The following TMEM132D variants were observed in gnomAD, a reference collection of about 807,000 sequenced individuals.
TMEM132D encodes mature OL transmembrane protein.
TMEM132D carries 21 observed loss-of-function variants against 62.3 expected under a neutral mutation model. The ratio of observed to expected loss-of-function variants is 0.34; its 90% CI spans 0.24 to 0.49. TMEM132D has a LOEUF of 0.49. Among genes scored for constraint, TMEM132D ranks in the 20% least tolerant of loss-of-function variants. TMEM132D has a pLI of 0.99. For missense variants in TMEM132D, 1,346 were observed against 1,402.8 expected (o/e 0.96, Z 0.65); for synonymous variants, 621 against 575.6 (o/e 1.08, Z -1.13).
intron 1 of TMEM132D, among the ~76,000 whole-genome samples, chr12:129,745,593 T>A (rs1329309061): frequency 6.6e-6 from 1 of 152,180 alleles, no homozygotes; most frequent in African/African-American, 2.4e-5. Context: ...ATGGAACTCA[T>A]AACGGTATAA....
rs2137226399 is a variant in TMEM132D, at chr12:129,700,198, C to A, written c.580G>T (p.Ala194Ser). The A allele has an allele frequency of 6.2e-7, 1 of 1,612,844 alleles. No homozygotes were observed. The highest frequency in any genetic ancestry group is 1.1e-5 in the South Asian group (1 of 91,064). Residue 194 changes from alanine to serine, a missense_variant, in exon 2 of 9, where the codon GCC (alanine) becomes TCC (serine). Ala to Ser is a moderately conservative substitution (Grantham distance 99, BLOSUM62 1). Coordinates refer to ENST00000422113, the MANE Select transcript of TMEM132D (RefSeq NM_133448.3). ...CAGCTGGACAGGAGCTCCAGCTCGG[C>A]CACGCACAGCCCCAGGTCCCCCTGC... ...RLQGDLGLCV[A>S]ELELLSSWFS... is the part of the protein sequence containing the mutation.
At chr12:129,532,891 T>C (rs1371381108) in intron 2 of TMEM132D, among the ~76,000 whole-genome samples, 1 of 152,194 alleles carries the variant, frequency 6.6e-6, no homozygotes, top group Non-Finnish European at 1.5e-5. Flanking sequence ...GGGAGAGGAT[T>C]CCTGGGAGCG....
At chr12:129,252,752 A>T (rs950192069) in intron 4 of TMEM132D, among the ~76,000 whole-genome samples, 3 of 152,140 alleles carry the variant, frequency 2.0e-5, no homozygotes, top group Non-Finnish European at 2.9e-5. Flanking sequence ...GTATGTTTAT[A>T]GCGGCACTAT....
intron 2 of TMEM132D, among the ~76,000 whole-genome samples, chr12:129,676,538 G>C (rs576802124): frequency 6.6e-6 from 1 of 152,286 alleles, no homozygotes; most frequent in South Asian, 2.1e-4. Context: ...TTACAGAGGA[G>C]GGGGAAGGGA....
chr12:129,419,646 C>T (rs1312300676), intron 3 of TMEM132D, among the ~76,000 whole-genome samples: 3 of 152,202 alleles, frequency 2.0e-5, no homozygotes. Context: ...TATGGCTAAT[C>T]TGCCTCCGGT....
At chr12:129,244,385 CAAAAAAA>C (rs751155633) in intron 4 of TMEM132D, among the ~76,000 whole-genome samples, 16 of 85,194 alleles carry the variant, frequency 1.9e-4, no homozygotes, top group African/African-American at 5.0e-4. Context: ...GACTCTGTCT[CAAAAAAA>C]AAAAAAAAAA....
intron 1 of TMEM132D, among the ~76,000 whole-genome samples, chr12:129,893,082 G>A (rs1181002122): frequency 6.6e-6 from 1 of 152,044 alleles, no homozygotes; most frequent in Non-Finnish European, 1.5e-5. Flanking sequence ...TCATCATGTT[G>A]GCCAGGCTGG....
At position 129,816,443 on chromosome 12, in the gene TMEM132D, C is replaced by T. The variant is rs141651724; in HGVS notation, c.79+86818G>A. Among the ~76,000 whole-genome samples, 431 of 152,276 alleles carry T rather than the reference C, an allele frequency of 2.8e-3. 5 individuals carry two copies. Among genetic ancestry groups the T allele is most frequent in the Middle Eastern group, 0.01 (3 of 292 alleles). ...TCACCATCGCCCCGCTTCTGAAAAA[C>T]TCTGGGCCTATTTATTGCAAAAGGC... On this transcript the variant is annotated intron_variant, in intron 1 of 8. Coordinates refer to ENST00000422113, the MANE Select transcript of TMEM132D (RefSeq NM_133448.3).
At chr12:129,380,713 T>C (rs892388524) in intron 3 of TMEM132D, among the ~76,000 whole-genome samples, 2 of 152,112 alleles carry the variant, frequency 1.3e-5, no homozygotes, top group Admixed American at 1.3e-4. Context: ...CACCTCGCCC[T>C]CTCCTGTCCC....
intron 3 of TMEM132D, among the ~76,000 whole-genome samples, chr12:129,422,366 T>C (rs1176848287): frequency 6.6e-6 from 1 of 152,134 alleles, no homozygotes; most frequent in Non-Finnish European, 1.5e-5. Context: ...GATAAACAAC[T>C]TGATAGAACA....
At chr12:129,336,404 T>C (rs142493027) in intron 4 of TMEM132D, among the ~76,000 whole-genome samples, 4,214 of 152,076 alleles carry the variant, frequency 0.028, 210 homozygotes, top group African/African-American at 0.096. Context: ...GGTGAAACCC[T>C]GTCTCTACTA....
intron 5 of TMEM132D, among the ~76,000 whole-genome samples, chr12:129,111,867 A>T (rs1875714635): frequency 6.6e-6 from 1 of 152,168 alleles, no homozygotes. Context: ...TCAGTCCAGC[A>T]TTACATATTT....
At chr12:129,657,415 T>A (rs1030916673) in intron 2 of TMEM132D, among the ~76,000 whole-genome samples, 8 of 152,052 alleles carry the variant, frequency 5.3e-5, no homozygotes, top group Non-Finnish European at 8.8e-5. Context: ...ATCTCACATT[T>A]CCACCGTCAA....
intron 4 of TMEM132D, among the ~76,000 whole-genome samples, chr12:129,255,236 C>A (rs1329864373): frequency 6.6e-6 from 1 of 152,160 alleles, no homozygotes; most frequent in East Asian, 1.9e-4. Flanking sequence ...AATTAAATAT[C>A]TTTTCTTTAT....
At chr12:129,771,525 C>G (rs566069722) in intron 1 of TMEM132D, among the ~76,000 whole-genome samples, 1 of 152,172 alleles carries the variant, frequency 6.6e-6, no homozygotes, top group Non-Finnish European at 1.5e-5. Flanking sequence ...TTGCCACTGC[C>G]GGTTGCCTAT....
chr12:129,561,847 G>A (rs1877242983), intron 2 of TMEM132D, among the ~76,000 whole-genome samples: 1 of 152,070 alleles, frequency 6.6e-6, no homozygotes, highest in Admixed American at 6.6e-5. Flanking sequence ...TTATCAAAAG[G>A]GCAGAAGACC....
chr12:129,530,670 A>T (rs942454599), intron 3 of TMEM132D, among the ~76,000 whole-genome samples: 1 of 152,220 alleles, frequency 6.6e-6, no homozygotes, highest in African/African-American at 2.4e-5. Flanking sequence ...CACCCGTGTG[A>T]AGAGAGACGT....
At chr12:129,127,851 G>A (rs1876261847) in intron 5 of TMEM132D, among the ~76,000 whole-genome samples, 1 of 152,200 alleles carries the variant, frequency 6.6e-6, no homozygotes, top group Non-Finnish European at 1.5e-5. Context: ...TAACTGCACT[G>A]GTTACTGCCA....
intron 1 of TMEM132D, among the ~76,000 whole-genome samples, chr12:129,887,337 C>G (rs889192416): frequency 5.3e-5 from 8 of 152,148 alleles, no homozygotes; most frequent in African/African-American, 1.9e-4. Context: ...AAATCCACTT[C>G]TATGAAAGTC....
Sources: allele counts gnomAD v4.1 joint callset (sites outside exome capture counted in the v4.1 genomes callset), GRCh38; gene constraint gnomAD v4.1.1; transcripts MANE v1.5; gene names NCBI Gene and HGNC (gene_info 2026-07-23, HGNC 2026-07-21).